Variants in MBTD1 observed in about 807,000 individuals in gnomAD.
MBTD1 encodes the protein MBT domain-containing protein 1.
Under a neutral mutation model 87.8 loss-of-function variants are expected in MBTD1, and 24 were observed. That is an observed-to-expected ratio of 0.27 (90% CI 0.20 to 0.38). The LOEUF (loss-of-function observed/expected upper bound fraction) is 0.38. Ranked by LOEUF, MBTD1 falls within the 10% of genes least tolerant of loss-of-function variation. The probability of loss-of-function intolerance (pLI) is 1.00; values close to 1 mark genes in which losing one functional copy is unlikely to be tolerated. For synonymous variants in MBTD1, 237 were observed against 248.6 expected (o/e 0.95, Z 0.44); for missense variants, 436 against 760.2 (o/e 0.57, Z 5.02).
intron 10 of MBTD1, among the ~76,000 whole-genome samples, chr17:51,202,462 G>T (rs1257528339): frequency 6.6e-6 from 1 of 152,282 alleles, no homozygotes; most frequent in Non-Finnish European, 1.5e-5. Context: ...ATAAAAGAAA[G>T]AAACAATTAT....
chr17:51,182,706 CT>C (rs2050371597), intron 16 of MBTD1, among the ~76,000 whole-genome samples: 1 of 152,086 alleles, frequency 6.6e-6, no homozygotes, highest in African/African-American at 2.4e-5. Context: ...GGTAAAAGTT[CT>C]TCATTTTTCT....
chr17:51,248,402 T>A (rs78636842), intron 2 of MBTD1, among the ~76,000 whole-genome samples: 1,543 of 152,284 alleles, frequency 0.01, 35 homozygotes, highest in African/African-American at 0.035. Context: ...TTTCTTATCA[T>A]CATTTTCCAG....
chr17:51,259,547 G>T (rs900024962), intron 1 of MBTD1, among the ~76,000 whole-genome samples: 3 of 152,142 alleles, frequency 2.0e-5, no homozygotes, highest in Non-Finnish European at 4.4e-5. Context: ...CCAGAGCAGG[G>T]GGCGGGGGCA....
At position 51,197,051 on chromosome 17, in the gene MBTD1, T is replaced by G. The variant is rs539920217; in HGVS notation, c.1225-1690A>C. 2.9e-3 allele frequency among the ~76,000 whole-genome samples: 3 copies of G among 1,048 alleles called. 1 individual carries two copies. Among genetic ancestry groups the G allele is most frequent in the Non-Finnish European group, 5.6e-3 (3 of 532 alleles). The allele number at this position is 1,048 out of a possible 152,430, so 0.7% of individuals were successfully genotyped here. A position where few individuals can be genotyped will look rare whatever the true frequency, so the allele number is the denominator to read the frequency against. ...TTATTATATATACAAGATATATATA[T>G]ATATATATATATATATATATATATA... is the stretch of plus-strand genomic sequence containing the variant. On this transcript the variant is annotated intron_variant, in intron 12 of 16. Transcript: ENST00000586178.
intron 2 of MBTD1, among the ~76,000 whole-genome samples, chr17:51,226,776 T>TGA (rs1378450585): frequency 6.6e-6 from 1 of 151,198 alleles, no homozygotes; most frequent in Non-Finnish European, 1.5e-5. Context: ...GGACTACAGG[T>TGA]GAGTGCCAAC....
At chr17:51,204,445 GCATATAAA>G (rs1467307184) in intron 7 of MBTD1, among the ~76,000 whole-genome samples, 1 of 142,198 alleles carries the variant, frequency 7.0e-6, no homozygotes, top group Non-Finnish European at 1.5e-5. Flanking sequence ...TTATGTATAA[GCATATAAA>G]CATATAAAAA....
At chr17:51,198,692 C>A (rs555424762) in intron 12 of MBTD1, among the ~76,000 whole-genome samples, 2 of 152,318 alleles carry the variant, frequency 1.3e-5, no homozygotes, top group South Asian at 4.1e-4. Flanking sequence ...TGAAAGGATC[C>A]TCCCAGCTCA....
chr17:51,221,094 GA>G (rs774679838), intron 3 of MBTD1, among the ~76,000 whole-genome samples: 2 of 152,082 alleles, frequency 1.3e-5, no homozygotes, highest in Non-Finnish European at 2.9e-5. Context: ...AGGAGTATGG[GA>G]CCAGCCTGGG....
intron 2 of MBTD1, among the ~76,000 whole-genome samples, chr17:51,229,620 G>A (rs1047636747): frequency 6.7e-6 from 1 of 150,344 alleles, no homozygotes; most frequent in South Asian, 2.1e-4. Flanking sequence ...TTATATACAC[G>A]TTCTAATAAT....
chr17:51,254,999 C>T (rs2055000328), intron 2 of MBTD1, among the ~76,000 whole-genome samples: 1 of 152,098 alleles, frequency 6.6e-6, no homozygotes, highest in Admixed American at 6.6e-5. Context: ...AACATAGAGA[C>T]GGGCCAGGCG....
Position 51,181,834 on chromosome 17 carries a change from T to C in MBTD1, c.1769-1140A>G, listed in dbSNP as rs2050325979. On this transcript the variant is annotated intron_variant, in intron 16 of 16. Transcript: ENST00000586178. ...CAAAAACAAATTAACAGTATAGCCATGTTTCCGTAGGTCTTTAGTATGGAA... is the reference window on the plus strand; with the variant it reads ...CAAAAACAAATTAACAGTATAGCCACGTTTCCGTAGGTCTTTAGTATGGAA... Among the ~76,000 whole-genome samples, 3 of 152,214 alleles carry C rather than the reference T, an allele frequency of 2.0e-5. No homozygotes were observed. The South Asian group carries it at 6.2e-4, about 31-fold the overall frequency.
At chr17:51,251,404 T>C (rs1318761571) in intron 2 of MBTD1, 2 of 152,262 alleles carry the variant, frequency 1.3e-5, no homozygotes, top group African/African-American at 2.4e-5. Flanking sequence ...GCAATGCTTA[T>C]AATTTAAAGC....
chr17:51,239,577 G>C (rs926755030), intron 2 of MBTD1, among the ~76,000 whole-genome samples: 18 of 152,070 alleles, frequency 1.2e-4, no homozygotes, highest in Admixed American at 9.2e-4. Context: ...TAGAAGCATA[G>C]CTCAGGGTTT....
intron 2 of MBTD1, among the ~76,000 whole-genome samples, chr17:51,228,322 C>T (rs966321293): frequency 6.6e-6 from 1 of 151,868 alleles, no homozygotes; most frequent in Non-Finnish European, 1.5e-5. Flanking sequence ...TTCGACAAAC[C>T]CCCATGACAC....
chr17:51,224,800 T>G lies in MBTD1; in HGVS notation c.154+208A>C, dbSNP rs144844054. Reference sequence around the variant, plus strand: ...ACATGAAGTTTCTCACTGGCCTTTTTTTGTTGTTGTTGTATTTGCTTTCCA... The same window carrying G: ...ACATGAAGTTTCTCACTGGCCTTTTGTTGTTGTTGTTGTATTTGCTTTCCA... On this transcript the variant is annotated intron_variant, in intron 3 of 16. Transcript: ENST00000586178. Among the ~76,000 whole-genome samples the G allele has an allele frequency of 3.1e-3, 465 of 152,352 alleles. 3 individuals are homozygous for G. Among genetic ancestry groups the G allele is most frequent in the African/African-American group, 0.011 (439 of 41,584 alleles).
rs576031003 is a variant in MBTD1 at position 51,257,107 on chromosome 17, C to T, written c.-49+2036G>A. Among the ~76,000 whole-genome samples, 9 of 152,232 alleles carry T rather than the reference C, an allele frequency of 5.9e-5. No individual in the cohort carries two copies. The South Asian group carries it at 8.3e-4, about 14-fold the overall frequency. On this transcript the variant is annotated intron_variant, in intron 2 of 16. Transcript: ENST00000586178. ...GATTAAATCTATGTGCAATTTTTGC[C>T]TGAAATCAAAAGTCATCTTGCACAG...
upstream of MBTD1, chr17:51,260,725 G>A (rs762977343): frequency 2.5e-6 from 4 of 1,594,698 alleles, 1 homozygote; most frequent in South Asian, 2.2e-5. Context: ...CTTCATCCCA[G>A]CGGAAACCGC....
At chr17:51,230,035 T>C (rs1460683872) in intron 2 of MBTD1, among the ~76,000 whole-genome samples, 1 of 152,208 alleles carries the variant, frequency 6.6e-6, no homozygotes, top group African/African-American at 2.4e-5. Flanking sequence ...TTCAGAATTA[T>C]TCCTCCTGTT....
chr17:51,232,016 T>C (rs2286761), intron 2 of MBTD1, among the ~76,000 whole-genome samples: 77,919 of 151,784 alleles, frequency 0.51, 20,313 homozygotes, highest in South Asian at 0.65. Flanking sequence ...CCTGAAAGGG[T>C]CTGCAACTTC....
Sources: allele counts gnomAD v4.1 joint callset (sites outside exome capture counted in the v4.1 genomes callset), GRCh38; gene constraint gnomAD v4.1.1; transcripts MANE v1.5; gene names NCBI Gene and HGNC (gene_info 2026-07-23, HGNC 2026-07-21).